REG3G: variants seen among roughly 807,000 people sequenced by gnomAD.
REG3G encodes the protein regenerating islet-derived protein 3-gamma.
Under a neutral mutation model 20.9 loss-of-function variants are expected in REG3G, and 19 were observed. That is an observed-to-expected ratio of 0.91 (90% CI 0.64 to 1.34). The LOEUF (loss-of-function observed/expected upper bound fraction) is 1.34, where lower values mean the gene tolerates loss of function less well. Ranked by LOEUF, REG3G falls within the 40% of genes most tolerant of loss-of-function variation. The pLI is 0.00. For synonymous variants in REG3G, 89 were observed against 77.4 expected, an observed-to-expected ratio of 1.15 and a Z score of -0.79; for missense variants, 235 against 205.0, an observed-to-expected ratio of 1.15 and a Z score of -0.89.
chr2:79,027,946 A>G lies in REG3G; in HGVS notation c.460+13A>G. On this transcript the variant is annotated intron_variant, in intron 5 of 5. Coordinates refer to ENST00000272324, the MANE Select transcript of REG3G (RefSeq NM_001008387.3). ...TCAAGAAGCACAGGTAAGAAACAGA[A>G]GAGCTGCCTCTTCCCAGCACTTTCC... The G allele has an allele frequency of 6.2e-7, 1 of 1,613,690 alleles. No homozygotes were observed. Among genetic ancestry groups the G allele is most frequent in the Non-Finnish European group, 8.5e-7 (1 of 1,179,796 alleles).
intron 4 of REG3G, 98 bp downstream of exon 4, chr2:79,027,269 G>A: frequency 1.6e-6 from 2 of 1,278,842 alleles, no homozygotes; most frequent in South Asian, 2.8e-5. Context: ...GTACTTTAGG[G>A]AGCACTGGAG....
intron 5 of REG3G, 110 bp from the exon 6 acceptor site, chr2:79,028,099 C>A (rs1438926894): frequency 5.5e-6 from 7 of 1,270,982 alleles, no homozygotes; most frequent in Non-Finnish European, 6.8e-6. Context: ...GATTGAGAAA[C>A]TGGTGAAGAT....
rs780495479 is a variant in REG3G, at chr2:79,028,240, T to G, written c.492T>G (p.Asp164Glu). The part of the protein sequence containing the change: ...GFLKWKDYNC[D>E]AKLPYVCKFK... ...TGAAGTGGAAAGATTATAACTGTGA[T>G]GCAAAGTTACCCTATGTCTGCAAGT... The change falls in exon 6 of 6, where the codon GAT becomes GAG. Residue 164 changes from aspartate (D) to glutamate (E), a missense_variant. By Grantham distance (45) the Asp-to-Glu change is conservative. Transcript: ENST00000272324. The G allele has an allele frequency of 6.2e-7, 1 of 1,613,180 alleles. No homozygotes were observed. The highest frequency in any genetic ancestry group is 1.7e-5 in the Admixed American group (1 of 59,984).
intron 4 of REG3G, 68 bp downstream of exon 4, chr2:79,027,239 C>T: frequency 6.6e-7 from 1 of 1,526,108 alleles, no homozygotes; most frequent in Non-Finnish European, 9.0e-7. Flanking sequence ...CACTCCCTGT[C>T]CCCAGTCCCT....
At position 79,026,171 on chromosome 2, in the gene REG3G, T is replaced by A; in HGVS notation, c.76+2T>A. ...TCATTCTCCTGTGTCAGGTTCAAGG[T>A]GAGATTTCTCTGCCTCTAGCACTGG... is the stretch of plus-strand genomic sequence containing the variant. On this transcript the variant is annotated splice_donor_variant, in intron 2 of 5. Coordinates refer to ENST00000272324, the MANE Select transcript of REG3G (RefSeq NM_001008387.3). LOFTEE classifies it high-confidence loss of function. 6.2e-7 allele frequency: 1 copy of A among 1,612,764 alleles called. No homozygotes were observed. Among genetic ancestry groups the A allele is most frequent in the Non-Finnish European group, 8.5e-7 (1 of 1,178,920 alleles).
chr2:79,027,083 G>T lies in REG3G; in HGVS notation c.245G>T (p.Gly82Val), dbSNP rs752083175. 1 of 1,613,956 alleles carries T rather than the reference G, an allele frequency of 6.2e-7. No homozygotes were observed. The change falls in exon 4 of 6, where the codon GGG (glycine) becomes GTG (valine). Residue 82 changes from glycine to valine, a missense_variant. Gly to Val is a moderately radical substitution (Grantham distance 109). Transcript: ENST00000272324. ...PSGKLVSVLSGAEGSFVSSLV... is the reference protein window; with the variant it reads ...PSGKLVSVLSVAEGSFVSSLV... The stretch of plus-strand genomic sequence containing the variant: ...GGAAAACTGGTGTCTGTGCTCAGTG[G>T]GGCTGAGGGATCCTTCGTGTCCTCC...
intron 2 of REG3G, chr2:79,026,401 C>T: frequency 1.7e-6 from 1 of 601,564 alleles, no homozygotes. Flanking sequence ...CTAATATACA[C>T]TGGTGGGAAA....
chr2:79,028,013 C>T, intron 5 of REG3G, 80 bp downstream of exon 5: 2 of 1,573,920 alleles, frequency 1.3e-6, no homozygotes, highest in Non-Finnish European at 1.7e-6. Context: ...AAATCCTTTT[C>T]AGCTAGGTAA....
In REG3G at chr2:79,025,713, C is replaced by A. The variant is rs1441492327; in HGVS notation, c.-172C>A. ...TCACTCCAGTGACCATCCCTGAGAT[C>A]TTTTTATAAAAAACCCAGTCTTTGC... On this transcript the variant is annotated 5_prime_UTR_variant, in exon 1 of 6. Coordinates refer to ENST00000272324, the MANE Select transcript of REG3G (RefSeq NM_001008387.3). 5.4e-6 allele frequency: 1 copy of A among 184,154 alleles called. No homozygotes were observed. The highest frequency in any genetic ancestry group is 1.4e-4 in the East Asian group (1 of 7,338). 11.4% of individuals were successfully genotyped at this position (184,154 alleles called of 1,614,324 possible).
In REG3G at chr2:79,028,433, A is replaced by G; in HGVS notation, c.*157A>G. 1 of 564,312 alleles carries G rather than the reference A, an allele frequency of 1.8e-6. No individual in the cohort carries two copies. Among genetic ancestry groups the G allele is most frequent in the Non-Finnish European group, 3.2e-6 (1 of 313,896 alleles). The allele number at this position is 564,312 out of a possible 1,614,324, so 35.0% of individuals were successfully genotyped here. A position where few individuals can be genotyped will look rare whatever the true frequency, so the allele number is the denominator to read the frequency against. On this transcript the variant is annotated 3_prime_UTR_variant, in exon 6 of 6. Coordinates refer to ENST00000272324, the MANE Select transcript of REG3G (RefSeq NM_001008387.3). The stretch of plus-strand genomic sequence containing the variant: ...TTCTTTTTCCTTTTTCTTCACCTTC[A>G]TTTCAGGCTTTTCTCTGTCTTCCAT...
chr2:79,028,021 T>C, intron 5 of REG3G, 88 bp downstream of exon 5: 1 of 1,544,678 alleles, frequency 6.5e-7, no homozygotes, highest in East Asian at 2.3e-5. Context: ...TTCAGCTAGG[T>C]AATGCAGTGT....
chr2:79,025,932 C>T (rs542786106), intron 1 of REG3G, 51 bp from the exon 2 acceptor site: 1 of 669,764 alleles, frequency 1.5e-6, no homozygotes, highest in African/African-American at 1.8e-5. Flanking sequence ...CACAGATTCA[C>T]AGCTCATTCA....
intron 4 of REG3G, 39 bp downstream of exon 4, chr2:79,027,210 T>C (rs1671647726): frequency 6.2e-7 from 1 of 1,607,922 alleles, no homozygotes; most frequent in Admixed American, 1.7e-5. Context: ...CCTCTCAAGG[T>C]ACTGTTGTTG....
rs371611885 is a variant in REG3G, at chr2:79,028,391, C to G, written c.*115C>G. On this transcript the variant is annotated 3_prime_UTR_variant, in exon 6 of 6. Coordinates refer to ENST00000272324, the MANE Select transcript of REG3G (RefSeq NM_001008387.3). ...CTCCCCAAACTGCCCTACCTGACTA[C>G]CTTGTCATGATCCTCCTTCTTTTTC... 8.0e-5 allele frequency: 55 copies of G among 684,372 alleles called. 5 individuals are homozygous for G. Among genetic ancestry groups the G allele is most frequent in the Admixed American group, 3.1e-4 (14 of 44,882 alleles). The allele number at this position is 684,372 out of a possible 1,614,324, so 42.4% of individuals were successfully genotyped here. A position where few individuals can be genotyped will look rare whatever the true frequency, so the allele number is the denominator to read the frequency against.
At position 79,026,234 on chromosome 2, in the gene REG3G, G is replaced by A; in HGVS notation, c.76+65G>A. On this transcript the variant is annotated intron_variant, in intron 2 of 5. Transcript: ENST00000272324. Reference sequence around the variant, plus strand: ...TCCTCAGAGCCAAGAAAAGGAGGAAGGCTCCTGTGTGTCACGTGAGGTAAT... The same window carrying A: ...TCCTCAGAGCCAAGAAAAGGAGGAAAGCTCCTGTGTGTCACGTGAGGTAAT... 5.3e-6 allele frequency: 8 copies of A among 1,521,836 alleles called. No homozygotes were observed. In the South Asian group the frequency reaches 7.8e-5, roughly 15 times the overall value. 94.3% of individuals were successfully genotyped at this position (1,521,836 alleles called of 1,614,324 possible).
chr2:79,026,716 A>C lies in REG3G; in HGVS notation c.80A>C (p.Glu27Ala). 1 of 1,613,246 alleles carries C rather than the reference A, an allele frequency of 6.2e-7. No homozygotes were observed. The highest frequency in any genetic ancestry group is 1.1e-5 in the South Asian group (1 of 91,042). Residue 27 changes from glutamate to alanine, a missense_variant, in exon 3 of 6, where the codon GAA becomes GCA. Transcript: ENST00000272324. ...TCTCCCTTTTCTTCCACCCCAGGTG[A>C]AGAAACCCAGAAGGAACTGCCCTCT... ...CLILLCQVQG[E>A]ETQKELPSPR...
chr2:79,026,938 G>A (rs980163406), intron 3 of REG3G, 96 bp from the exon 4 acceptor site: 22 of 1,510,786 alleles, frequency 1.5e-5, no homozygotes, highest in Admixed American at 8.9e-5. Context: ...GGATGAACAC[G>A]CTTATCTTTC....
chr2:79,027,475 A>G (rs1671654665), intron 4 of REG3G, among the ~76,000 whole-genome samples: 1 of 152,228 alleles, frequency 6.6e-6, no homozygotes, highest in South Asian at 2.1e-4. Context: ...AGGGAATTCT[A>G]AATTAAGATA....
At position 79,026,181 on chromosome 2, in the gene REG3G, C is replaced by CAA. The variant is rs1671614976; in HGVS notation, c.76+12_76+13insAA. 6.2e-7 allele frequency: 1 copy of CAA among 1,613,438 alleles called. No individual in the cohort carries two copies. The highest frequency in any genetic ancestry group is 2.2e-5 in the East Asian group (1 of 44,854). ...GTGTCAGGTTCAAGGTGAGATTTCT[C>CAA]TGCCTCTAGCACTGGGTTCCCTATG... On this transcript the variant is annotated intron_variant, in intron 2 of 5. Coordinates refer to ENST00000272324, the MANE Select transcript of REG3G (RefSeq NM_001008387.3).
Sources: gnomAD v4.1 joint callset for allele counts (sites outside exome capture counted in the v4.1 genomes callset) on GRCh38, gnomAD v4.1.1 for gene constraint, MANE v1.5 for transcripts, NCBI Gene and HGNC (gene_info 2026-07-23, HGNC 2026-07-21) for gene names.